FER1L5: variants seen among roughly 807,000 people sequenced by gnomAD.
FER1L5 encodes fer-1 like family member 5, also known as fer-1-like protein 5.
FER1L5 carries 187 observed loss-of-function variants against 279.9 expected under a neutral mutation model. That is an observed-to-expected ratio of 0.67 (90% CI 0.59 to 0.75). The LOEUF (loss-of-function observed/expected upper bound fraction) is 0.75. Ranked by LOEUF, FER1L5 falls within the 30% of genes least tolerant of loss-of-function variation. The probability of loss-of-function intolerance (pLI) is 0.00; values close to 1 mark genes in which losing one functional copy is unlikely to be tolerated. For synonymous variants in FER1L5, 921 were observed against 989.7 expected, an observed-to-expected ratio of 0.93 and a Z score of 1.30; for missense variants, 2,091 against 2,594.4, an observed-to-expected ratio of 0.81 and a Z score of 4.21.
rs746226003 is a variant in FER1L5 at position 96,704,573 on chromosome 2, A to C, written c.6055A>C (p.Ile2019Leu). The C allele has an allele frequency of 6.2e-7, 1 of 1,613,922 alleles. No individual in the cohort carries two copies. Among genetic ancestry groups the C allele is most frequent in the Non-Finnish European group, 8.5e-7 (1 of 1,179,868 alleles). Residue 2019 changes from isoleucine to leucine, a missense_variant, in exon 53 of 53, where the codon ATC becomes CTC. Coordinates refer to ENST00000624922, the MANE Select transcript of FER1L5 (RefSeq NM_001293083.2). ...SLNTSNASSS[I>L]LPTQDPNLKP... is the part of the protein sequence containing the mutation. ...AAACACCAGCAACGCCAGCTCTTCCATCCTTCCCACCCAGGATCCAAACCT... is the reference window on the plus strand; with the variant it reads ...AAACACCAGCAACGCCAGCTCTTCCCTCCTTCCCACCCAGGATCCAAACCT...
intron 9 of FER1L5, 62 bp from the exon 10 acceptor site, chr2:96,660,279 T>G (rs2075907300): frequency 6.5e-7 from 1 of 1,537,186 alleles, no homozygotes. Context: ...GTCAGGTTAG[T>G]TGGTATTACA....
rs1558853473 is a variant in FER1L5, at chr2:96,659,352, TCCTTCCTTCC to T, written c.748-988_748-979del. ...TTCCTTCCTTCCTTCCTTCCTTCCT[TCCTTCCTTCC>T]TTCTTTCTTTCTTTCTTTCTTTCTT... is the stretch of plus-strand genomic sequence containing the variant. On this transcript the variant is annotated intron_variant, in intron 9 of 52. Transcript: ENST00000624922. Among the ~76,000 whole-genome samples, 157 of 73,226 alleles carry T rather than the reference TCCTTCCTTCC, an allele frequency of 2.1e-3. 21 individuals carry two copies. Among genetic ancestry groups the T allele is most frequent in the Middle Eastern group, 6.6e-3 (1 of 152 alleles). 48.0% of individuals were successfully genotyped at this position (73,226 alleles called of 152,430 possible). A position where few individuals can be genotyped will look rare whatever the true frequency, so the allele number is the denominator to read the frequency against.
At chr2:96,660,195 A>T (rs750943814) in intron 9 of FER1L5, 146 bp from the exon 10 acceptor site, 1 of 791,248 alleles carries the variant, frequency 1.3e-6, no homozygotes, top group African/African-American at 1.7e-5. Flanking sequence ...TAATGGGCCT[A>T]CCTCTCAGGC....
Position 96,653,709 on chromosome 2 carries a change from A to T in FER1L5, c.696+7A>T. On this transcript the variant is annotated splice_region_variant and intron_variant, in intron 8 of 52. Transcript: ENST00000624922. The stretch of plus-strand genomic sequence containing the variant: ...TGAGACCATCTTAATCCAGGTGAGG[A>T]GCCAAACTGGTCCCCAGCAAGGTGG... 6.5e-7 allele frequency: 1 copy of T among 1,549,850 alleles called. No individual in the cohort carries two copies. Among genetic ancestry groups the T allele is most frequent in the South Asian group, 1.2e-5 (1 of 83,968 alleles).
intron 24 of FER1L5, among the ~76,000 whole-genome samples, 162 bp downstream of exon 24, chr2:96,688,109 G>C (rs998005241): frequency 2.0e-5 from 3 of 152,154 alleles, no homozygotes; most frequent in African/African-American, 7.2e-5. Flanking sequence ...ATTCCTGACC[G>C]AAACTGAGGG....
chr2:96,659,065 C>G (rs1026812476), intron 9 of FER1L5, among the ~76,000 whole-genome samples: 1 of 151,928 alleles, frequency 6.6e-6, no homozygotes, highest in African/African-American at 2.4e-5. Context: ...CCTGCCTCAG[C>G]CTCCTACAGG....
chr2:96,648,651 A>T (rs1452416337), intron 4 of FER1L5, among the ~76,000 whole-genome samples: 1 of 152,186 alleles, frequency 6.6e-6, no homozygotes, highest in Non-Finnish European at 1.5e-5. Context: ...ATTGCTAGAG[A>T]CAGCAGTCTG....
At chr2:96,681,915 A>G (rs1255995848) in intron 19 of FER1L5, among the ~76,000 whole-genome samples, 1 of 151,452 alleles carries the variant, frequency 6.6e-6, no homozygotes, top group African/African-American at 2.4e-5. Context: ...CCTCCAAAGT[A>G]GCTGGGATTA....
intron 13 of FER1L5, among the ~76,000 whole-genome samples, 168 bp from the exon 14 acceptor site, chr2:96,663,271 G>A (rs1213333786): frequency 1.3e-5 from 2 of 152,222 alleles, no homozygotes; most frequent in African/African-American, 4.8e-5. Context: ...CAAAGGACTG[G>A]CGCTGTTGCT....
At chr2:96,672,458 T>C (rs1466487213) in intron 18 of FER1L5, among the ~76,000 whole-genome samples, 2 of 151,910 alleles carry the variant, frequency 1.3e-5, no homozygotes, top group Non-Finnish European at 2.9e-5. Context: ...AGGAAAGTTA[T>C]TTTTTTTCAA....
intron 9 of FER1L5, among the ~76,000 whole-genome samples, chr2:96,655,869 C>A (rs1305796006): frequency 6.6e-6 from 1 of 152,012 alleles, no homozygotes; most frequent in Non-Finnish European, 1.5e-5. Context: ...ACCACTGCAC[C>A]TGGCTAATTT....
At chr2:96,684,268 G>A in intron 19 of FER1L5, 59 bp from the exon 20 acceptor site, 2 of 1,531,300 alleles carry the variant, frequency 1.3e-6, no homozygotes, top group Non-Finnish European at 1.8e-6. Flanking sequence ...AGCACAGTGA[G>A]AAGAGACCTC....
Position 96,659,422 on chromosome 2 carries a change from T to G in FER1L5, c.748-919T>G, listed in dbSNP as rs1400987343. Among the ~76,000 whole-genome samples the G allele has an allele frequency of 2.9e-4, 3 of 10,286 alleles. No homozygotes were observed. The East Asian group carries it at 6.6e-3, about 23-fold the overall frequency. 6.7% of individuals were successfully genotyped at this position (10,286 alleles called of 152,430 possible). A position where few individuals can be genotyped will look rare whatever the true frequency, so the allele number is the denominator to read the frequency against. ...CTTTCTTTCTTTCTTTCTTTCTTTCTTTCTTTCTTTCTTTCTTTCTTTCTT... is the reference window on the plus strand; with the variant it reads ...CTTTCTTTCTTTCTTTCTTTCTTTCGTTCTTTCTTTCTTTCTTTCTTTCTT... On this transcript the variant is annotated intron_variant, in intron 9 of 52. Transcript: ENST00000624922.
At chr2:96,676,716 A>G (rs2106610624) in intron 19 of FER1L5, among the ~76,000 whole-genome samples, 2 of 152,000 alleles carry the variant, frequency 1.3e-5, no homozygotes, top group Middle Eastern at 6.8e-3. Context: ...AGGAATTACA[A>G]TATTGACCCT....
At chr2:96,676,089 G>T (rs2076500768) in intron 19 of FER1L5, among the ~76,000 whole-genome samples, 1 of 152,176 alleles carries the variant, frequency 6.6e-6, no homozygotes, top group Non-Finnish European at 1.5e-5. Context: ...CATATGGTAT[G>T]AGGGAGGAAT....
intron 9 of FER1L5, among the ~76,000 whole-genome samples, chr2:96,659,169 G>A (rs551372846): frequency 6.7e-6 from 1 of 150,144 alleles, no homozygotes; most frequent in South Asian, 2.2e-4. Context: ...TCCTGACCTC[G>A]TGATCCGCCT....
chr2:96,699,001 G>A lies in FER1L5; in HGVS notation c.4519-44G>A, dbSNP rs561728809. 2.9e-5 allele frequency: 46 copies of A among 1,567,678 alleles called. No homozygotes were observed. In the Admixed American group the frequency reaches 6.0e-4, roughly 20 times the overall value. On this transcript the variant is annotated intron_variant, in intron 41 of 52. Coordinates refer to ENST00000624922, the MANE Select transcript of FER1L5 (RefSeq NM_001293083.2). ...CCACCCTCCCTGACAAACCTGGACG[G>A]CCTCCCCAGTTCCTATCCTTCCCCC...
chr2:96,644,335 T>A (rs1339410751), intron 1 of FER1L5, among the ~76,000 whole-genome samples: 1 of 149,614 alleles, frequency 6.7e-6, no homozygotes, highest in African/African-American at 2.5e-5. Context: ...AAAAAAAAAA[T>A]TAGCTAGGCA....
In FER1L5 at chr2:96,700,249, C is replaced by T. The variant is rs181668201; in HGVS notation, c.4931-83C>T. 7.0e-5 allele frequency: 111 copies of T among 1,587,178 alleles called. 1 individual carries two copies. In the East Asian group the frequency reaches 2.1e-3, roughly 30 times the overall value. ...TTCCCCTTCACTCCTACCCAGGCTG[C>T]GGTCGGGAGGGTAAGAGCCTACCTA... On this transcript the variant is annotated intron_variant, in intron 44 of 52. Coordinates refer to ENST00000624922, the MANE Select transcript of FER1L5 (RefSeq NM_001293083.2).
Sources: allele counts gnomAD v4.1 joint callset (sites outside exome capture counted in the v4.1 genomes callset), GRCh38; gene constraint gnomAD v4.1.1; transcripts MANE v1.5; gene names NCBI Gene and HGNC (gene_info 2026-07-23, HGNC 2026-07-21).